The following FBH1 variants were observed in gnomAD, a reference collection of about 807,000 sequenced individuals.
FBH1 encodes DNA 3'-5' helicase 1.
In FBH1, 43 loss-of-function variants were observed where a neutral mutation model predicts 115.5. The ratio of observed to expected loss-of-function variants is 0.37; its 90% CI spans 0.29 to 0.48. The LOEUF (loss-of-function observed/expected upper bound fraction) is 0.48. Among genes scored for constraint, FBH1 ranks in the 20% least tolerant of loss-of-function variants. The pLI, the probability that FBH1 is intolerant of heterozygous loss-of-function variation, is 0.99. For synonymous variants in FBH1, 524 were observed against 507.8 expected, an observed-to-expected ratio of 1.03 and a Z score of -0.43; for missense variants, 1,001 against 1,337.3, an observed-to-expected ratio of 0.75 and a Z score of 3.92.
In FBH1 at chr10:5,906,411, G is replaced by T. The variant is rs143135958; in HGVS notation, c.532G>T (p.Gly178Cys). The change falls in exon 3 of 21, where the codon GGT (glycine) becomes TGT (cysteine). Residue 178 changes from glycine to cysteine, a missense_variant. By Grantham distance (159) the Gly-to-Cys change is radical. Around this residue, in one of 4 missense-constraint regions of FBH1, gnomAD observed 420 missense variants for 430.4 expected, o/e 0.98. Coordinates refer to ENST00000362091, the MANE Select transcript of FBH1 (RefSeq NM_178150.3). The surrounding 1 kb of genome is among the most constrained non-coding windows in gnomAD (Gnocchi z 7.3). ...TACGTCTCGGCTCTCTGCGGAGTCT[G>T]GTGAAACCGACCAAGATGCTGGGGA... ...DSTSRLSAES[G>C]ETDQDAGDVG... 38 of 1,614,070 alleles carry T rather than the reference G, an allele frequency of 2.4e-5. No individual in the cohort carries two copies. The African/African-American group carries it at 4.9e-4, about 21-fold the overall frequency.
Position 5,929,193 on chromosome 10 carries a change from G to A in FBH1, c.2829+1652G>A, listed in dbSNP as rs1832829721. Among the ~76,000 whole-genome samples the A allele has an allele frequency of 2.6e-5, 4 of 152,334 alleles. No individual in the cohort carries two copies. The South Asian group carries it at 8.3e-4, about 32-fold the overall frequency. On this transcript the variant is annotated intron_variant, in intron 19 of 20. Transcript: ENST00000362091. ...CCCTCATAGAGCCCATCCAGGCGAG[G>A]AGATGGACAAGAAAGTGAACGAATA...
At position 5,890,334 on chromosome 10, in the gene FBH1, C is replaced by G. The variant is rs1048542474; in HGVS notation, c.-12C>G. 12 of 377,340 alleles carry G rather than the reference C, an allele frequency of 3.2e-5. No homozygotes were observed. Among genetic ancestry groups the G allele is most frequent in the African/African-American group, 2.1e-4 (10 of 47,062 alleles). The allele number at this position is 377,340 out of a possible 1,614,324, so 23.4% of individuals were successfully genotyped here. A position where few individuals can be genotyped will look rare whatever the true frequency, so the allele number is the denominator to read the frequency against. On this transcript the variant is annotated 5_prime_UTR_variant, in exon 1 of 21. Transcript: ENST00000362091. ...GCGGCGGCGGCAGCGGGGTCCGGGT[C>G]CGGAGCGCCACAGTGCGTGAGGCCG...
rs2131994728 is a variant in FBH1, at chr10:5,914,796, T to C, written c.1396+527T>C. ...TTTGCTCGTGCTATTTGCTATTTTT[T>C]TTCTGCCTGTAATCCCTTCCTGCTC... On this transcript the variant is annotated intron_variant, in intron 8 of 20. Coordinates refer to ENST00000362091, the MANE Select transcript of FBH1 (RefSeq NM_178150.3). This position sits in a 1 kb window ranked among gnomAD's most constrained non-coding sequence, Gnocchi z 5.2. Among the ~76,000 whole-genome samples, 1 of 152,334 alleles carries C rather than the reference T, an allele frequency of 6.6e-6. No homozygotes were observed. The highest frequency in any genetic ancestry group is 2.1e-4 in the South Asian group (1 of 4,830).
At chr10:5,908,812 T>G in intron 3 of FBH1, 113 bp from the exon 4 acceptor site, 2 of 1,200,812 alleles carry the variant, frequency 1.7e-6, no homozygotes, top group Non-Finnish European at 2.4e-6. Flanking sequence ...GGCTTCACCA[T>G]GTTGGCCATG....
Position 5,903,013 on chromosome 10 carries a change from G to T in FBH1, c.2-7G>T. On this transcript the variant is annotated splice_region_variant and splice_polypyrimidine_tract_variant and intron_variant, in intron 1 of 20. Transcript: ENST00000362091. ...TCCCCTTTCTTCTACCTGCTGGTAT[G>T]AAACAGTGAGACGGTTTAAGCGGAA... 1 of 1,604,178 alleles carries T rather than the reference G, an allele frequency of 6.2e-7. No homozygotes were observed. Among genetic ancestry groups the T allele is most frequent in the South Asian group, 1.1e-5 (1 of 89,726 alleles).
At position 5,916,269 on chromosome 10, in the gene FBH1, TAAC is replaced by T. The variant is rs1831931650; in HGVS notation, c.1603_1605del (p.Thr535del). The T allele has an allele frequency of 6.2e-7, 1 of 1,614,084 alleles. No homozygotes were observed. Among genetic ancestry groups the T allele is most frequent in the African/African-American group, 1.3e-5 (1 of 74,912 alleles). ...AAGAAGAAGTTGAATCTCTTCAAGT[TAAC>T]ACCCTTCATGGTCAACTCCGTCCTT... On this transcript the variant is annotated inframe_deletion, in exon 10 of 21. Transcript: ENST00000362091.
At position 5,897,247 on chromosome 10, in the gene FBH1, T is replaced by G. The variant is rs1843061110; in HGVS notation, c.2-5773T>G. ...CTGAATTCAGCATGGCAGGTTATTA[T>G]AATCCTCGTTTTCATAAGCAAGGCT... is the stretch of plus-strand genomic sequence containing the variant. On this transcript the variant is annotated intron_variant, in intron 1 of 20. Transcript: ENST00000362091. The surrounding 1 kb of genome is among the most constrained non-coding windows in gnomAD (Gnocchi z 4.7). Among the ~76,000 whole-genome samples, 1 of 152,194 alleles carries G rather than the reference T, an allele frequency of 6.6e-6. No individual in the cohort carries two copies. The highest frequency in any genetic ancestry group is 2.1e-4 in the South Asian group (1 of 4,834).
rs1228761663 is a variant in FBH1 at position 5,895,724 on chromosome 10, C to T, written c.1+5378C>T. Among the ~76,000 whole-genome samples, 1 of 152,122 alleles carries T rather than the reference C, an allele frequency of 6.6e-6. No homozygotes were observed. Among genetic ancestry groups the T allele is most frequent in the Non-Finnish European group, 1.5e-5 (1 of 68,022 alleles). On this transcript the variant is annotated intron_variant, in intron 1 of 20. Coordinates refer to ENST00000362091, the MANE Select transcript of FBH1 (RefSeq NM_178150.3). This position sits in a 1 kb window ranked among gnomAD's most constrained non-coding sequence, Gnocchi z 5.0. ...GTCCGAGGATTGAGGCTGCTGGAGG[C>T]TCTTCTATTTTGAACACCCGGCTTC... is the stretch of plus-strand genomic sequence containing the variant.
Position 5,915,663 on chromosome 10 carries a change from A to G in FBH1, c.1565+92A>G, listed in dbSNP as rs1387686922. On this transcript the variant is annotated intron_variant, in intron 9 of 20. Coordinates refer to ENST00000362091, the MANE Select transcript of FBH1 (RefSeq NM_178150.3). The surrounding 1 kb of genome is among the most constrained non-coding windows in gnomAD (Gnocchi z 5.2). The stretch of plus-strand genomic sequence containing the variant: ...ACGATCACATGTGAGCTTACACCAC[A>G]GTGACCCCGAGGAGTGTAGTGCTGT... 2.5e-6 allele frequency: 3 copies of G among 1,183,656 alleles called. No homozygotes were observed. Among genetic ancestry groups the G allele is most frequent in the African/African-American group, 3.0e-5 (2 of 66,766 alleles). 73.3% of individuals were successfully genotyped at this position (1,183,656 alleles called of 1,614,324 possible).
In FBH1 at chr10:5,913,741, T is replaced by C. The variant is rs1564447720; in HGVS notation, c.1212-6T>C. ...GACTTTCTAAATCTACTTTTTTTTC[T>C]GGTAGGATTCACTACAACATTTTCT... On this transcript the variant is annotated splice_region_variant and splice_polypyrimidine_tract_variant and intron_variant, in intron 6 of 20. Coordinates refer to ENST00000362091, the MANE Select transcript of FBH1 (RefSeq NM_178150.3). This position sits in a 1 kb window ranked among gnomAD's most constrained non-coding sequence, Gnocchi z 4.4. 7.8e-6 allele frequency: 12 copies of C among 1,534,584 alleles called. No homozygotes were observed. The South Asian group carries it at 1.5e-4, about 20-fold the overall frequency.
In FBH1 at chr10:5,906,496, A is replaced by G; in HGVS notation, c.617A>G (p.Gln206Arg). 2 of 1,614,090 alleles carry G rather than the reference A, an allele frequency of 1.2e-6. No homozygotes were observed. Among genetic ancestry groups the G allele is most frequent in the Non-Finnish European group, 1.7e-6 (2 of 1,180,016 alleles). The change falls in exon 3 of 21, where the codon CAG becomes CGG. Residue 206 changes from glutamine to arginine, a missense_variant. Gln to Arg is a conservative substitution (Grantham distance 43). Transcript: ENST00000362091. This position sits in a 1 kb window ranked among gnomAD's most constrained non-coding sequence, Gnocchi z 7.3. ...GGGCTTCTTGGGACCTTGCCCTGCC[A>G]GGAAGCACTGAGCCACATTTGCAGC... ...YYGLLGTLPC[Q>R]EALSHICSLP...
chr10:5,911,245 C>G lies in FBH1; in HGVS notation c.1211+117C>G, dbSNP rs1416426277. The G allele has an allele frequency of 3.4e-5, 33 of 961,574 alleles. No homozygotes were observed. The highest frequency in any genetic ancestry group is 4.8e-5 in the Non-Finnish European group (31 of 650,364). The allele number at this position is 961,574 out of a possible 1,614,324, so 59.6% of individuals were successfully genotyped here. On this transcript the variant is annotated intron_variant, in intron 6 of 20. Transcript: ENST00000362091. This position sits in a 1 kb window ranked among gnomAD's most constrained non-coding sequence, Gnocchi z 5.4. ...GCACCTGGCAGGCTGTGGGACCCAC[C>G]TGCTCCACCTCAGTGTCATCTTCTG...
Position 5,910,537 on chromosome 10 carries a change from C to A in FBH1, c.1021-401C>A, listed in dbSNP as rs189889244. Among the ~76,000 whole-genome samples the A allele has an allele frequency of 5.3e-5, 8 of 152,284 alleles. No homozygotes were observed. The highest frequency in any genetic ancestry group is 2.6e-4 in the Admixed American group (4 of 15,306). On this transcript the variant is annotated intron_variant, in intron 5 of 20. Coordinates refer to ENST00000362091, the MANE Select transcript of FBH1 (RefSeq NM_178150.3). This position sits in a 1 kb window ranked among gnomAD's most constrained non-coding sequence, Gnocchi z 4.8. ...CTCTCCTGTGTCTGCGTCTCTCATG[C>A]CTCTTGGGTGGGCGCCCCTTGCTGG...
chr10:5,919,685 A>G (rs1316593084), intron 13 of FBH1, among the ~76,000 whole-genome samples: 5 of 152,342 alleles, frequency 3.3e-5, no homozygotes, highest in East Asian at 1.9e-4. Context: ...GAGATGTCTC[A>G]CTTGGATGAA....
chr10:5,895,233 A>C lies in FBH1; in HGVS notation c.1+4887A>C. The C allele has an allele frequency of 6.3e-7, 1 of 1,578,726 alleles. No individual in the cohort carries two copies. Among genetic ancestry groups the C allele is most frequent in the South Asian group, 1.1e-5 (1 of 87,890 alleles). On this transcript the variant is annotated intron_variant, in intron 1 of 20. Coordinates refer to ENST00000362091, the MANE Select transcript of FBH1 (RefSeq NM_178150.3). This position sits in a 1 kb window ranked among gnomAD's most constrained non-coding sequence, Gnocchi z 5.0. ...TGACCAGGGCGGTTAGCTGACTCCA[A>C]AATTGTCCAGATTAGCAAAACTGCC...
rs767249688 is a variant in FBH1, at chr10:5,903,199, C to G, written c.157+24C>G. ...GGGTATGTCTCCTCTAAAACTCTTG[C>G]ATTTCAAAACCTGTAGTGTGTGGGT... On this transcript the variant is annotated intron_variant, in intron 2 of 20. Coordinates refer to ENST00000362091, the MANE Select transcript of FBH1 (RefSeq NM_178150.3). 7.0e-6 allele frequency: 11 copies of G among 1,571,396 alleles called. No individual in the cohort carries two copies. The Admixed American group carries it at 1.8e-4, about 26-fold the overall frequency.
At chr10:5,930,394 G>C (rs556361953) in intron 19 of FBH1, among the ~76,000 whole-genome samples, 19 of 152,280 alleles carry the variant, frequency 1.2e-4, no homozygotes, top group Admixed American at 1.1e-3. Flanking sequence ...GCATAAACTG[G>C]GTCATTCGTC....
intron 1 of FBH1, among the ~76,000 whole-genome samples, chr10:5,899,778 C>T (rs117149007): frequency 3.9e-5 from 6 of 152,060 alleles, no homozygotes; most frequent in African/African-American, 9.7e-5. Context: ...ATAGTCCTTG[C>T]GTTATATTTG....
intron 3 of FBH1, among the ~76,000 whole-genome samples, chr10:5,907,077 C>G (rs974222505): frequency 1.3e-5 from 2 of 152,130 alleles, no homozygotes; most frequent in African/African-American, 4.8e-5. Context: ...ATTCTCCTGC[C>G]TCAGCCTCCC....
Sources: gnomAD v4.1 joint callset for allele counts (sites outside exome capture counted in the v4.1 genomes callset) on GRCh38, gnomAD v4.1.1 for gene constraint, gnomAD v4.1.1 regional missense constraint, Gnocchi (gnomAD v3.1) non-coding constraint, MANE v1.5 for transcripts, NCBI Gene and HGNC (gene_info 2026-07-23, HGNC 2026-07-21) for gene names.